The following PDE2A variants were observed in gnomAD, a reference collection of about 807,000 sequenced individuals.
PDE2A encodes phosphodiesterase 2A, also known as cGMP-dependent 3',5'-cyclic phosphodiesterase.
A neutral mutation model predicts 133.6 loss-of-function variants in PDE2A; 53 were observed. That is an observed-to-expected ratio of 0.40 (90% CI 0.32 to 0.50). PDE2A has a LOEUF of 0.50. Among genes scored for constraint, PDE2A ranks in the 20% least tolerant of loss-of-function variants. The pLI is 0.73. For missense variants in PDE2A, 796 were observed against 1,232.4 expected (o/e 0.65, Z 5.30); for synonymous variants, 491 against 490.2 (o/e 1.00, Z -0.02).
chr11:72,605,704 G>A (rs894757740), intron 3 of PDE2A, among the ~76,000 whole-genome samples: 2 of 152,242 alleles, frequency 1.3e-5, no homozygotes, highest in Admixed American at 1.3e-4. Context: ...CATAACCCCA[G>A]CCAGGGGAGG....
chr11:72,580,682 C>T, intron 24 of PDE2A, 58 bp from the exon 25 acceptor site: 1 of 1,366,716 alleles, frequency 7.3e-7, no homozygotes, highest in Non-Finnish European at 1.0e-6. Flanking sequence ...AGTGCCACTG[C>T]TTTAGGCTGA....
chr11:72,609,970 G>T (rs1208162466), intron 2 of PDE2A, among the ~76,000 whole-genome samples: 4 of 151,966 alleles, frequency 2.6e-5, no homozygotes, highest in Non-Finnish European at 4.4e-5. Context: ...ACCCAATTGG[G>T]AAGATGACAG....
Position 72,674,203 on chromosome 11 carries a change from C to T in PDE2A, c.5G>A (p.Gly2Glu). ...GAGGATGGAGTGGCCGCATGCCTGCCCCATCACTCCTCATCGTCCGCCTCC... is the reference window on the plus strand; with the variant it reads ...GAGGATGGAGTGGCCGCATGCCTGCTCCATCACTCCTCATCGTCCGCCTCC... MGQACGHSILCR... is the reference protein window; with the variant it reads MEQACGHSILCR... Residue 2 changes from glycine to glutamate, a missense_variant, in exon 1 of 31, where the codon GGG becomes GAG. This residue lies in a region of PDE2A where 417 missense variants were observed against 475.3 expected (regional missense o/e 0.88). Transcript: ENST00000334456. 1 of 1,610,156 alleles carries T rather than the reference C, an allele frequency of 6.2e-7. No individual in the cohort carries two copies. Among genetic ancestry groups the T allele is most frequent in the Non-Finnish European group, 8.5e-7 (1 of 1,179,576 alleles).
intron 21 of PDE2A, 67 bp from the exon 22 acceptor site, chr11:72,582,014 T>TG: frequency 8.1e-7 from 1 of 1,235,416 alleles, no homozygotes; most frequent in Non-Finnish European, 1.2e-6. Context: ...GCCTGGGTCC[T>TG]TCTTCAAGCT....
chr11:72,650,876 TAC>T (rs58905066), intron 1 of PDE2A, among the ~76,000 whole-genome samples: 22,931 of 129,508 alleles, frequency 0.18, 1,696 homozygotes, highest in East Asian at 0.26. Flanking sequence ...CAGTCCCCAC[TAC>T]ACACACACAC....
intron 2 of PDE2A, among the ~76,000 whole-genome samples, chr11:72,637,815 T>C (rs1248244379): frequency 6.6e-6 from 1 of 151,968 alleles, no homozygotes; most frequent in Non-Finnish European, 1.5e-5. Context: ...ATGAGTCAGG[T>C]TGGAGAAAGT....
At chr11:72,603,164 C>T (rs1470407383) in intron 4 of PDE2A, among the ~76,000 whole-genome samples, 12 of 152,216 alleles carry the variant, frequency 7.9e-5, no homozygotes, top group Non-Finnish European at 4.4e-5. Context: ...TGTCCTCACT[C>T]TCTTGCCTTC....
intron 1 of PDE2A, among the ~76,000 whole-genome samples, chr11:72,653,789 C>T (rs1198740586): frequency 6.6e-6 from 1 of 152,218 alleles, no homozygotes; most frequent in Non-Finnish European, 1.5e-5. Context: ...CCCCCAGCCT[C>T]GCCTGTCCCC....
chr11:72,648,177 T>C (rs777711863), intron 1 of PDE2A, among the ~76,000 whole-genome samples: 6 of 152,118 alleles, frequency 3.9e-5, no homozygotes, highest in Admixed American at 2.0e-4. Context: ...AATACCAGGA[T>C]CTAGCCCTTG....
chr11:72,660,409 C>T (rs1315923871), intron 1 of PDE2A, among the ~76,000 whole-genome samples: 2 of 152,196 alleles, frequency 1.3e-5, no homozygotes, highest in Non-Finnish European at 2.9e-5. Flanking sequence ...GTTTGTTTCA[C>T]TAAGTGCCAG....
At chr11:72,669,029 A>G in intron 1 of PDE2A, 1 of 924,980 alleles carries the variant, frequency 1.1e-6, no homozygotes. Context: ...CACCTGCCGC[A>G]TGCCAGGGGC....
chr11:72,649,386 G>C (rs970751837), intron 1 of PDE2A: 2 of 152,292 alleles, frequency 1.3e-5, no homozygotes, highest in African/African-American at 4.8e-5. Context: ...GTGTCCCTGT[G>C]TGCCTCCCCC....
At chr11:72,641,822 G>T (rs1858965227) in intron 2 of PDE2A, among the ~76,000 whole-genome samples, 1 of 152,230 alleles carries the variant, frequency 6.6e-6, no homozygotes, top group South Asian at 2.1e-4. Flanking sequence ...GAGGTTTGGG[G>T]CTTTGGGTGA....
chr11:72,652,074 C>G (rs1359305003), intron 1 of PDE2A, among the ~76,000 whole-genome samples: 4 of 152,218 alleles, frequency 2.6e-5, no homozygotes, highest in Non-Finnish European at 5.9e-5. Context: ...GAAAAGGAAC[C>G]AGTGGGAGCC....
intron 1 of PDE2A, chr11:72,652,619 C>G: frequency 2.2e-6 from 1 of 456,296 alleles, no homozygotes; most frequent in Admixed American, 2.3e-5. Flanking sequence ...TGACCACCTA[C>G]TAAGTGCCAG....
At chr11:72,611,464 T>A (rs1857208865) in intron 2 of PDE2A, among the ~76,000 whole-genome samples, 1 of 152,140 alleles carries the variant, frequency 6.6e-6, no homozygotes, top group South Asian at 2.1e-4. Context: ...TTGCTTCAAT[T>A]GGGGAATGCC....
intron 2 of PDE2A, among the ~76,000 whole-genome samples, chr11:72,625,984 G>C (rs1340029053): frequency 1.3e-5 from 2 of 152,366 alleles, no homozygotes; most frequent in East Asian, 3.9e-4. Context: ...ACCTCAGCCC[G>C]GGGCCGCAGC....
At position 72,618,152 on chromosome 11, in the gene PDE2A, G is replaced by T. The variant is rs1857569946; in HGVS notation, c.145-9401C>A. On this transcript the variant is annotated intron_variant, in intron 2 of 30. Transcript: ENST00000334456. ...CAAAGTGCTCAGCACACAGCCTGGA[G>T]CAGGGCTCGTGGTCACCTTACCTCA... 2.0e-5 allele frequency among the ~76,000 whole-genome samples: 3 copies of T among 152,330 alleles called. No individual in the cohort carries two copies. The South Asian group carries it at 6.2e-4, about 32-fold the overall frequency.
intron 27 of PDE2A, 87 bp from the exon 28 acceptor site, chr11:72,579,096 G>A (rs1055878880): frequency 5.7e-5 from 62 of 1,093,860 alleles, no homozygotes; most frequent in Non-Finnish European, 8.6e-5. Flanking sequence ...ACCCAGAGCG[G>A]TCCAGGGAAT....
Sources: gnomAD v4.1 joint callset for allele counts (sites outside exome capture counted in the v4.1 genomes callset) on GRCh38, gnomAD v4.1.1 for gene constraint, gnomAD v4.1.1 regional missense constraint, MANE v1.5 for transcripts, NCBI Gene and HGNC (gene_info 2026-07-23, HGNC 2026-07-21) for gene names.